Variants in ANO4 observed in about 807,000 individuals in gnomAD.
The protein encoded by ANO4 is anoctamin-4.
Under a neutral mutation model 141.9 loss-of-function variants are expected in ANO4, and 69 were observed. The observed-to-expected ratio is 0.49, with a 90% CI of 0.40 to 0.59. ANO4 has a LOEUF of 0.59. Ranked by LOEUF, ANO4 falls within the 20% of genes least tolerant of loss-of-function variation. The pLI is 0.00. For synonymous variants in ANO4, 350 were observed against 394.3 expected (o/e 0.89, Z 1.33); for missense variants, 894 against 1,162.2 (o/e 0.77, Z 3.36).
Position 101,078,362 on chromosome 12 carries a change from T to C in ANO4, c.1313-831T>C, listed in dbSNP as rs546577162. Among the ~76,000 whole-genome samples, 10 of 148,284 alleles carry C rather than the reference T, an allele frequency of 6.7e-5. No homozygotes were observed. The South Asian group carries it at 1.9e-3, about 29-fold the overall frequency. ...GTATGCATGTGTGTGTGTGTGTGTG[T>C]GCCCCTGTATTTGCATTTTGCCTTC... On this transcript the variant is annotated intron_variant, in intron 14 of 27. Transcript: ENST00000392977.
At chr12:101,068,315 T>C (rs613853) in intron 14 of ANO4, 18,724 of 1,286,746 alleles carry the variant, frequency 0.015, 189 homozygotes, top group Non-Finnish European at 0.018. Context: ...GAAGGCTGAC[T>C]TCAATGGTCC....
intron 1 of ANO4, among the ~76,000 whole-genome samples, chr12:100,810,428 T>C (rs1456379020): frequency 6.6e-6 from 1 of 152,026 alleles, no homozygotes; most frequent in African/African-American, 2.4e-5. Flanking sequence ...CAGAATGAGA[T>C]GGGGAGCCAG....
intron 1 of ANO4, among the ~76,000 whole-genome samples, chr12:100,837,720 TAAAAAA>T (rs66789704): frequency 8.2e-6 from 1 of 122,648 alleles, no homozygotes. Flanking sequence ...ACCTTGTCTC[TAAAAAA>T]AAAAAAAAAA....
chr12:100,741,952 C>CT (rs1170048276), intron 3 of ANO4, among the ~76,000 whole-genome samples: 2 of 152,078 alleles, frequency 1.3e-5, no homozygotes, highest in Non-Finnish European at 2.9e-5. Flanking sequence ...CCTTAGTTGA[C>CT]TTTTTTTCTC....
At chr12:100,818,356 G>A (rs7958756) in intron 1 of ANO4, among the ~76,000 whole-genome samples, 28,600 of 151,602 alleles carry the variant, frequency 0.19, 3,212 homozygotes, top group African/African-American at 0.31. Context: ...GTTTAATAAA[G>A]GGAATGGAGA....
rs1285700528 is a variant in ANO4 at position 101,111,568 on chromosome 12, T to C, written c.2308T>C (p.Trp770Arg). Residue 770 changes from tryptophan (W) to arginine (R), a missense_variant, in exon 24 of 28, where the codon TGG becomes CGG. Coordinates refer to ENST00000392977, the MANE Select transcript of ANO4 (RefSeq NM_001286615.2). ...CAACACTTCTATTTGAATAGGAATT[T>C]GGTATGGAATTCTTGAAGGCATTGG... ...LASRAKDIGIWYGILEGIGIL... is the reference protein window; with the variant it reads ...LASRAKDIGIRYGILEGIGIL... 2 of 1,602,928 alleles carry C rather than the reference T, an allele frequency of 1.2e-6. No individual in the cohort carries two copies. Among genetic ancestry groups the C allele is most frequent in the Non-Finnish European group, 1.7e-6 (2 of 1,174,864 alleles).
chr12:101,049,522 T>G (rs1482445199), intron 14 of ANO4, among the ~76,000 whole-genome samples: 1 of 151,842 alleles, frequency 6.6e-6, no homozygotes, highest in East Asian at 1.9e-4. Flanking sequence ...ATCAGTAAGT[T>G]TCTGTTGGAT....
chr12:101,086,910 C>T, intron 17 of ANO4, 86 bp downstream of exon 17: 14 of 1,483,798 alleles, frequency 9.4e-6, no homozygotes, highest in South Asian at 1.3e-5. Flanking sequence ...GGGGATCTGG[C>T]CTCAGAGAGG....
chr12:100,966,310 A>G (rs1592862805), intron 5 of ANO4, among the ~76,000 whole-genome samples: 1 of 152,228 alleles, frequency 6.6e-6, no homozygotes, highest in South Asian at 2.1e-4. Context: ...TCAATAAGAT[A>G]TGCATTGCTA....
intron 1 of ANO4, 143 bp from the exon 2 acceptor site, chr12:100,901,503 G>A (rs943117768): frequency 1.3e-5 from 6 of 473,058 alleles, no homozygotes; most frequent in African/African-American, 1.2e-4. Flanking sequence ...TGGTAACTAA[G>A]GATGTCTACT....
chr12:100,938,549 T>C (rs570075165), intron 3 of ANO4, among the ~76,000 whole-genome samples: 1 of 152,324 alleles, frequency 6.6e-6, no homozygotes, highest in African/African-American at 2.4e-5. Flanking sequence ...TTGAAGTGGA[T>C]AAAACAGAAG....
chr12:100,923,598 C>T (rs202166748), intron 3 of ANO4, among the ~76,000 whole-genome samples: 8 of 152,088 alleles, frequency 5.3e-5, no homozygotes, highest in Non-Finnish European at 8.8e-5. Flanking sequence ...AATAAACATA[C>T]GTGTGCATGT....
At chr12:100,792,760 C>T (rs73147638), upstream of ANO4, among the ~76,000 whole-genome samples, 6,292 of 152,096 alleles carry the variant, frequency 0.041, 170 homozygotes, top group Non-Finnish European at 0.065. Context: ...GGTATGAACC[C>T]GTTTCATCAA....
chr12:101,071,868 A>C (rs1424201278), intron 14 of ANO4, among the ~76,000 whole-genome samples: 1 of 152,162 alleles, frequency 6.6e-6, no homozygotes, highest in Non-Finnish European at 1.5e-5. Context: ...TAAATTAAAA[A>C]AGGTACAGCA....
intron 7 of ANO4, among the ~76,000 whole-genome samples, chr12:100,977,373 C>G (rs1272788815): frequency 6.6e-6 from 1 of 152,104 alleles, no homozygotes; most frequent in Non-Finnish European, 1.5e-5. Flanking sequence ...GGCTCTACTT[C>G]CCACACAGTC....
intron 8 of ANO4, among the ~76,000 whole-genome samples, chr12:100,990,063 G>T (rs2045018369): frequency 6.6e-6 from 1 of 152,128 alleles, no homozygotes; most frequent in Non-Finnish European, 1.5e-5. Context: ...GTATAGGAGT[G>T]GTTGTGTAGG....
At chr12:100,726,881 C>T (rs926966451) in intron 1 of ANO4, among the ~76,000 whole-genome samples, 1 of 151,606 alleles carries the variant, frequency 6.6e-6, no homozygotes, top group Non-Finnish European at 1.5e-5. Context: ...ATTAAAAAAA[C>T]TTTGAAAAAA....
At chr12:100,935,762 AC>A (rs2042261876) in intron 3 of ANO4, among the ~76,000 whole-genome samples, 1 of 152,206 alleles carries the variant, frequency 6.6e-6, no homozygotes, top group Non-Finnish European at 1.5e-5. Context: ...CACTGAATAT[AC>A]TTATTGATTA....
At chr12:100,753,372 C>T (rs141482744) in intron 3 of ANO4, among the ~76,000 whole-genome samples, 1 of 152,260 alleles carries the variant, frequency 6.6e-6, no homozygotes, top group East Asian at 1.9e-4. Context: ...CCAAAGAGGC[C>T]ATTTTATTTT....
Sources: allele counts gnomAD v4.1 joint callset (sites outside exome capture counted in the v4.1 genomes callset), GRCh38; gene constraint gnomAD v4.1.1; transcripts MANE v1.5; gene names NCBI Gene and HGNC (gene_info 2026-07-23, HGNC 2026-07-21).